Variants in DMBT1 observed in about 807,000 individuals in gnomAD.
DMBT1 encodes the protein deleted in malignant brain tumors 1, also known as scavenger receptor cysteine-rich domain-containing protein DMBT1.
In DMBT1, 198 loss-of-function variants were observed where a neutral mutation model predicts 252.9. The ratio of observed to expected loss-of-function variants is 0.78; its 90% CI spans 0.70 to 0.88. DMBT1 has a LOEUF of 0.88. DMBT1 is among the 40% of genes least tolerant of loss of function. The probability of loss-of-function intolerance (pLI) is 0.00; values close to 1 mark genes in which losing one functional copy is unlikely to be tolerated. For missense variants in DMBT1, 2,432 were observed against 2,404.7 expected, an observed-to-expected ratio of 1.01 and a Z score of -0.24; for synonymous variants, 990 against 942.7, an observed-to-expected ratio of 1.05 and a Z score of -0.92.
intron 25 of DMBT1, among the ~76,000 whole-genome samples, chr10:122,598,271 C>A (rs2097903758): frequency 6.6e-6 from 1 of 152,140 alleles, no homozygotes; most frequent in Non-Finnish European, 1.5e-5. Flanking sequence ...TGAGGAAAAG[C>A]CCTGGAGGGT....
intron 25 of DMBT1, 54 bp downstream of exon 25, chr10:122,598,066 G>T: frequency 3.7e-6 from 6 of 1,611,540 alleles, no homozygotes; most frequent in East Asian, 2.2e-5. Context: ...CTGGACAAAT[G>T]TTTTTTCTGA....
At position 122,592,183 on chromosome 10, in the gene DMBT1, G is replaced by A. The variant is rs1028549480; in HGVS notation, c.2177-89G>A. On this transcript the variant is annotated intron_variant, in intron 19 of 55. Transcript: ENST00000338354. ...GTGACTGCTTGTCCAGGCGACCTTGGCCATTAGGAAGTACCCTGAGTGTGG... is the reference window on the plus strand; with the variant it reads ...GTGACTGCTTGTCCAGGCGACCTTGACCATTAGGAAGTACCCTGAGTGTGG... The A allele has an allele frequency of 1.3e-4, 195 of 1,535,282 alleles. 21 individuals carry two copies. Among genetic ancestry groups the A allele is most frequent in the Non-Finnish European group, 1.5e-4 (174 of 1,138,696 alleles).
At position 122,598,835 on chromosome 10, in the gene DMBT1, G is replaced by C. The variant is rs758474120; in HGVS notation, c.3018G>C (p.Val1006=). 1.9e-5 allele frequency: 31 copies of C among 1,613,582 alleles called. No individual in the cohort carries two copies. In the African/African-American group the frequency reaches 3.5e-4, roughly 18 times the overall value. The part of the protein sequence containing the change: ...VNGGDRCQGR[V]EVLYQGSWGT... The stretch of plus-strand genomic sequence containing the variant: ...GAGGTGACAGGTGTCAGGGCCGAGT[G>C]GAGGTCCTATACCAAGGCTCCTGGG... Residue 1006 remains valine, a synonymous_variant, in exon 26 of 56, where the codon GTG becomes GTC. Coordinates refer to ENST00000338354, the MANE Select transcript of DMBT1 (RefSeq NM_001377530.1).
At chr10:122,574,069 C>T (rs897369174) in intron 6 of DMBT1, among the ~76,000 whole-genome samples, 13 of 152,308 alleles carry the variant, frequency 8.5e-5, no homozygotes, top group African/African-American at 3.1e-4. Context: ...CTGTGCTCAT[C>T]CGTGGCCAGC....
rs777154503 is a variant in DMBT1, at chr10:122,585,332, C to G, written c.1459+23C>G. The G allele has an allele frequency of 2.7e-4, 431 of 1,582,540 alleles. 50 individuals carry two copies. The highest frequency in any genetic ancestry group is 5.0e-4 in the Admixed American group (30 of 59,498). ...TAGGTAAATAATCCTCTCGCCCCTC[C>G]CTAGGGCTCACTCTCTACCTCTGGA... On this transcript the variant is annotated intron_variant, in intron 15 of 55. Coordinates refer to ENST00000338354, the MANE Select transcript of DMBT1 (RefSeq NM_001377530.1).
intron 2 of DMBT1, among the ~76,000 whole-genome samples, chr10:122,566,209 C>A (rs574442092): frequency 5.9e-5 from 9 of 152,232 alleles, no homozygotes; most frequent in Non-Finnish European, 1.3e-4. Context: ...ATTCTCCTTC[C>A]TCTTGCTCTC....
intron 27 of DMBT1, 79 bp downstream of exon 27, chr10:122,600,172 C>T (rs1362208581): frequency 1.0e-5 from 16 of 1,531,870 alleles, no homozygotes; most frequent in African/African-American, 4.3e-5. Context: ...CAGAGCTCTC[C>T]TGTTTCTCTG....
At chr10:122,586,518 G>A (rs1428036862) in intron 16 of DMBT1, 135 bp downstream of exon 16, 1 of 1,380,200 alleles carries the variant, frequency 7.2e-7, no homozygotes, top group Non-Finnish European at 9.7e-7. Context: ...CTCTCTCCTA[G>A]GAAACCGCAT....
At chr10:122,580,024 C>T (rs931467048) in intron 10 of DMBT1, 123 bp downstream of exon 10, 3 of 1,516,650 alleles carry the variant, frequency 2.0e-6, no homozygotes, top group East Asian at 2.3e-5. Context: ...GAAGACTTGT[C>T]AGCTCTCTGC....
In DMBT1 at chr10:122,576,733, A is replaced by C; in HGVS notation, c.607+11A>C. The C allele has an allele frequency of 6.2e-7, 1 of 1,613,768 alleles. No homozygotes were observed. The highest frequency in any genetic ancestry group is 8.5e-7 in the Non-Finnish European group (1 of 1,179,696). ...GTGTTATCTGCTCAGGTAGGCATCC[A>C]GATCTCTGGAGGGTTGGGTGTGGTG... On this transcript the variant is annotated intron_variant, in intron 7 of 55. Transcript: ENST00000338354.
Position 122,621,320 on chromosome 10 carries a change from C to G in DMBT1, c.5548C>G (p.His1850Asp). The G allele has an allele frequency of 1.2e-6, 2 of 1,613,860 alleles. No homozygotes were observed. Among genetic ancestry groups the G allele is most frequent in the Non-Finnish European group, 1.7e-6 (2 of 1,179,752 alleles). ...GNESYLWSCP[H>D]KGWLTHNCGH... The stretch of plus-strand genomic sequence containing the variant: ...TGAGTCCTACCTGTGGAGCTGCCCC[C>G]ACAAAGGCTGGCTCACCCACAACTG... The change falls in exon 44 of 56, where the codon CAC becomes GAC. Residue 1850 changes from histidine (H) to aspartate (D), a missense_variant. Around this residue, in one of 3 missense-constraint regions of DMBT1, gnomAD observed 1,162 missense variants for 1,169.0 expected, o/e 0.99. Coordinates refer to ENST00000338354, the MANE Select transcript of DMBT1 (RefSeq NM_001377530.1).
At chr10:122,633,159 G>A in intron 51 of DMBT1, 32 bp from the exon 52 acceptor site, 1 of 1,611,960 alleles carries the variant, frequency 6.2e-7, no homozygotes, top group Non-Finnish European at 8.5e-7. Context: ...TGCTCTGGGG[G>A]TCACCGACAT....
At chr10:122,617,887 C>A in intron 40 of DMBT1, 130 bp from the exon 41 acceptor site, 2 of 1,467,120 alleles carry the variant, frequency 1.4e-6, no homozygotes, top group Non-Finnish European at 9.3e-7. Context: ...CCTCCGGTAG[C>A]AGTTGTATGC....
intron 26 of DMBT1, 51 bp from the exon 27 acceptor site, chr10:122,600,013 C>A (rs2097926917): frequency 6.2e-7 from 1 of 1,601,818 alleles, no homozygotes; most frequent in Non-Finnish European, 8.5e-7. Context: ...TTCCACTTTG[C>A]CGACTTCTGT....
At position 122,643,197 on chromosome 10, in the gene DMBT1, C is replaced by A; in HGVS notation, c.7428C>A (p.Phe2476Leu). Residue 2476 changes from phenylalanine (F) to leucine (L), a missense_variant, in exon 56 of 56, where the codon TTC becomes TTA. Phe to Leu is a conservative substitution (Grantham distance 22). Transcript: ENST00000338354. Reference sequence around the variant, plus strand: ...TTGCCCGCTTCCGGTTCAGGGCCTTCCACTTCCTGAACCGCTTCCCCTCCG... The same window carrying A: ...TTGCCCGCTTCCGGTTCAGGGCCTTACACTTCCTGAACCGCTTCCCCTCCG... ...LRIARFRFRA[F>L]HFLNRFPSVY... The A allele has an allele frequency of 6.2e-7, 1 of 1,613,962 alleles. No individual in the cohort carries two copies. Among genetic ancestry groups the A allele is most frequent in the Non-Finnish European group, 8.5e-7 (1 of 1,179,866 alleles).
At chr10:122,565,607 GTCAATGC>G (rs138407045) in intron 1 of DMBT1, among the ~76,000 whole-genome samples, 101,611 of 151,752 alleles carry the variant, frequency 0.67, 34,368 homozygotes, top group East Asian at 0.77. Flanking sequence ...AGTGGCTGTT[GTCAATGC>G]CAGCTATACT....
chr10:122,576,708 G>T lies in DMBT1; in HGVS notation c.593G>T (p.Gly198Val), dbSNP rs560261743. 3 of 1,613,792 alleles carry T rather than the reference G, an allele frequency of 1.9e-6. No individual in the cohort carries two copies. The highest frequency in any genetic ancestry group is 2.5e-6 in the Non-Finnish European group (3 of 1,179,732). The change falls in exon 7 of 56, where the codon GGT becomes GTT. Residue 198 changes from glycine to valine, a missense_variant. Transcript: ENST00000338354. ...AACTGTGGCCATGGTGAAGATGCTG[G>T]TGTTATCTGCTCAGGTAGGCATCCA... ...SHNCGHGEDA[G>V]VICSAAQPQS...
intron 19 of DMBT1, among the ~76,000 whole-genome samples, chr10:122,591,895 G>T (rs976107095): frequency 2.7e-5 from 4 of 149,050 alleles, no homozygotes; most frequent in African/African-American, 9.7e-5. Flanking sequence ...GCCATCCCTG[G>T]CAATTTGCCA....
In DMBT1 at chr10:122,593,968, G is replaced by A. The variant is rs12785144; in HGVS notation, c.2530+370G>A. Among the ~76,000 whole-genome samples, 79 of 137,406 alleles carry A rather than the reference G, an allele frequency of 5.7e-4. 1 individual carries two copies. The East Asian group carries it at 0.014, about 24-fold the overall frequency. 90.1% of individuals were successfully genotyped at this position (137,406 alleles called of 152,430 possible). A position where few individuals can be genotyped will look rare whatever the true frequency, so the allele number is the denominator to read the frequency against. ...CACCCTCTGACCCGTTCAAGGCATC[G>A]TCAGGGCAGGCTCGATACCCCCATC... On this transcript the variant is annotated intron_variant, in intron 21 of 55. Coordinates refer to ENST00000338354, the MANE Select transcript of DMBT1 (RefSeq NM_001377530.1).
Sources: allele counts gnomAD v4.1 joint callset (sites outside exome capture counted in the v4.1 genomes callset), GRCh38; gene constraint gnomAD v4.1.1; regional missense constraint gnomAD v4.1.1; transcripts MANE v1.5; gene names NCBI Gene and HGNC (gene_info 2026-07-23, HGNC 2026-07-21).